SCIN: variants seen among roughly 807,000 people sequenced by gnomAD.
The protein encoded by SCIN is adseverin.
Under a neutral mutation model 91.8 loss-of-function variants are expected in SCIN, and 91 were observed. That is an observed-to-expected ratio of 0.99 (90% CI 0.84 to 1.18). The LOEUF (loss-of-function observed/expected upper bound fraction) is 1.18. Among genes scored for constraint, SCIN ranks in the 50% most tolerant of loss-of-function variants. SCIN has a pLI of 0.00. For missense variants in SCIN, 1,087 were observed against 863.9 expected, an observed-to-expected ratio of 1.26 and a Z score of -3.24; for synonymous variants, 367 against 312.6, an observed-to-expected ratio of 1.17 and a Z score of -1.84.
rs1358251968 is a variant in SCIN at position 12,652,680 on chromosome 7, G to A, written c.2113G>A (p.Gly705Ser). The A allele has an allele frequency of 6.2e-7, 1 of 1,606,048 alleles. No individual in the cohort carries two copies. The highest frequency in any genetic ancestry group is 8.5e-7 in the Non-Finnish European group (1 of 1,177,492). Residue 705 changes from glycine (G) to serine (S), a missense_variant, in exon 16 of 16, where the codon GGC becomes AGC. Gly to Ser is a moderately conservative substitution (Grantham distance 56). Transcript: ENST00000297029. ...KQGHEPPTFT[G>S]WFLGWDSSKW ...GGGCCATGAGCCACCCACATTCACA[G>A]GCTGGTTCCTGGGCTGGGATTCCAG... is the stretch of plus-strand genomic sequence containing the variant.
intron 13 of SCIN, among the ~76,000 whole-genome samples, chr7:12,645,647 T>C (rs6949898): frequency 0.023 from 3,549 of 152,260 alleles, 142 homozygotes; most frequent in African/African-American, 0.082. Context: ...TCATCCCACC[T>C]TCCACCTTTC....
intron 11 of SCIN, among the ~76,000 whole-genome samples, chr7:12,642,501 A>G (rs1285449849): frequency 1.3e-5 from 2 of 151,712 alleles, no homozygotes; most frequent in Admixed American, 6.6e-5. Flanking sequence ...AAGAGCACAT[A>G]TCATTGAAAG....
chr7:12,606,839 G>T (rs1783089419), intron 4 of SCIN, among the ~76,000 whole-genome samples: 1 of 152,134 alleles, frequency 6.6e-6, no homozygotes, highest in Non-Finnish European at 1.5e-5. Context: ...TGGTTTTACT[G>T]GATTTTCATT....
At chr7:12,613,816 T>C (rs1171071789) in intron 4 of SCIN, among the ~76,000 whole-genome samples, 2 of 152,186 alleles carry the variant, frequency 1.3e-5, no homozygotes, top group African/African-American at 4.8e-5. Flanking sequence ...TTCATGTAAA[T>C]ATAGTATTCT....
chr7:12,616,304 G>T (rs1783298478), intron 4 of SCIN, among the ~76,000 whole-genome samples: 1 of 152,172 alleles, frequency 6.6e-6, no homozygotes, highest in African/African-American at 2.4e-5. Flanking sequence ...CTCATGAATA[G>T]TTTGACATTA....
intron 13 of SCIN, among the ~76,000 whole-genome samples, chr7:12,644,964 A>G (rs2115299078): frequency 6.8e-6 from 1 of 147,306 alleles, no homozygotes; most frequent in African/African-American, 2.5e-5. Context: ...GCAGTGAGCC[A>G]AGGTCGCGCC....
At position 12,582,822 on chromosome 7, in the gene SCIN, G is replaced by T. The variant is rs781084787; in HGVS notation, c.516+1601G>T. Among the ~76,000 whole-genome samples the T allele has an allele frequency of 3.3e-5, 5 of 152,124 alleles. 1 individual carries two copies. Among genetic ancestry groups the T allele is most frequent in the Admixed American group, 6.6e-5 (1 of 15,258 alleles). On this transcript the variant is annotated intron_variant, in intron 3 of 15. Transcript: ENST00000297029. ...TAAATGTCTACAGCCACACAGTTCC[G>T]AAAGCAATTGCAGCATTCAGTCTCT...
At chr7:12,639,546 A>G (rs1783816672) in intron 10 of SCIN, among the ~76,000 whole-genome samples, 1 of 152,122 alleles carries the variant, frequency 6.6e-6, no homozygotes, top group Non-Finnish European at 1.5e-5. Flanking sequence ...TGAAATTTGA[A>G]CTCTTTATGT....
Position 12,644,170 on chromosome 7 carries a change from C to T in SCIN, c.1614C>T (p.Asn538=), listed in dbSNP as rs371472039. The change falls in exon 12 of 16, where the codon AAC becomes AAT. Residue 538 remains asparagine (N), a synonymous_variant. Coordinates refer to ENST00000297029, the MANE Select transcript of SCIN (RefSeq NM_001112706.3). The part of the protein sequence containing the change: ...VDVDANSLNS[N]DVFVLKLPQN... The stretch of plus-strand genomic sequence containing the variant: ...TTGATGCAAATTCACTGAATTCTAA[C>T]GATGTTTTTGTCCTGAAACTGCCAC... The T allele has an allele frequency of 7.7e-4, 1,241 of 1,612,898 alleles. No homozygotes were observed. The highest frequency in any genetic ancestry group is 9.4e-4 in the Non-Finnish European group (1,103 of 1,179,348).
intron 4 of SCIN, among the ~76,000 whole-genome samples, chr7:12,606,150 A>G (rs1332772341): frequency 6.6e-6 from 1 of 152,222 alleles, no homozygotes; most frequent in Non-Finnish European, 1.5e-5. Context: ...AAATGTTTGC[A>G]CCAGTTGCTA....
Position 12,655,958 on chromosome 7 carries a change from C to G in SCIN, c.*3243C>G, listed in dbSNP as rs960177781. 6.6e-6 allele frequency: 1 copy of G among 152,124 alleles called. No individual in the cohort carries two copies. The highest frequency in any genetic ancestry group is 2.4e-5 in the African/African-American group (1 of 41,426). 9.4% of individuals were successfully genotyped at this position (152,124 alleles called of 1,614,324 possible). ...TTCTCTCTGATTCAAGAAATTCATA[C>G]TCAACTCAGTCAAACAGAGGTCCTG... On this transcript the variant is annotated 3_prime_UTR_variant, in exon 16 of 16. Transcript: ENST00000297029.
At position 12,629,185 on chromosome 7, in the gene SCIN, C is replaced by T; in HGVS notation, c.1282C>T (p.Leu428Phe). 6.2e-7 allele frequency: 1 copy of T among 1,612,904 alleles called. No homozygotes were observed. The highest frequency in any genetic ancestry group is 1.7e-5 in the Admixed American group (1 of 59,876). The change falls in exon 9 of 16, where the codon CTC (leucine) becomes TTC (phenylalanine). Residue 428 changes from leucine (L) to phenylalanine (F), a missense_variant. Physicochemically the swap from Leu to Phe is conservative, Grantham distance 22. Coordinates refer to ENST00000297029, the MANE Select transcript of SCIN (RefSeq NM_001112706.3). ...CTATGGTGGTGACTGCTACATCATA[C>T]TCTACACCTATCCCAGAGGACAGAT... Reference protein sequence around the residue: ...EFYGGDCYIILYTYPRGQIIY... With the variant: ...EFYGGDCYIIFYTYPRGQIIY...
intron 3 of SCIN, among the ~76,000 whole-genome samples, chr7:12,587,384 G>A (rs116988288): frequency 0.036 from 5,491 of 152,276 alleles, 152 homozygotes; most frequent in Non-Finnish European, 0.052. Flanking sequence ...TGTGAGTCTG[G>A]TTTGTACTCA....
chr7:12,652,842 A>T lies in SCIN; in HGVS notation c.*127A>T. ...ATTAAGGCTGGGCGCGGTGGCTCAC[A>T]CCTGTAATCCCAGCACTTTGAGAGG... is the stretch of plus-strand genomic sequence containing the variant. On this transcript the variant is annotated 3_prime_UTR_variant, in exon 16 of 16. Coordinates refer to ENST00000297029, the MANE Select transcript of SCIN (RefSeq NM_001112706.3). The T allele has an allele frequency of 8.8e-7, 1 of 1,135,012 alleles. No homozygotes were observed. The highest frequency in any genetic ancestry group is 1.5e-5 in the South Asian group (1 of 68,402). The allele number at this position is 1,135,012 out of a possible 1,614,324, so 70.3% of individuals were successfully genotyped here. A position where few individuals can be genotyped will look rare whatever the true frequency, so the allele number is the denominator to read the frequency against.
At chr7:12,587,002 G>A (rs1333023411) in intron 3 of SCIN, among the ~76,000 whole-genome samples, 1 of 152,032 alleles carries the variant, frequency 6.6e-6, no homozygotes, top group Non-Finnish European at 1.5e-5. Flanking sequence ...AATAAATTCT[G>A]TTCTACTGTT....
chr7:12,650,807 T>A (rs1330724475), intron 14 of SCIN, among the ~76,000 whole-genome samples: 2 of 152,116 alleles, frequency 1.3e-5, no homozygotes, highest in Non-Finnish European at 2.9e-5. Flanking sequence ...CAACATCTTA[T>A]AGGGAGGGCA....
At chr7:12,574,540 G>A (rs1782331345) in intron 1 of SCIN, among the ~76,000 whole-genome samples, 1 of 152,092 alleles carries the variant, frequency 6.6e-6, no homozygotes, top group African/African-American at 2.4e-5. Flanking sequence ...ACGAGTACAA[G>A]TAAAACTGAG....
At chr7:12,628,184 G>T (rs1386995955) in intron 8 of SCIN, among the ~76,000 whole-genome samples, 1 of 152,092 alleles carries the variant, frequency 6.6e-6, no homozygotes, top group Non-Finnish European at 1.5e-5. Context: ...CTGAAGATGA[G>T]GAGGCAGAAT....
At chr7:12,623,427 A>G (rs1225522795) in intron 5 of SCIN, among the ~76,000 whole-genome samples, 1 of 152,224 alleles carries the variant, frequency 6.6e-6, no homozygotes. Flanking sequence ...GATTAGGAGC[A>G]TGACTTTGCA....
Sources: allele counts gnomAD v4.1 joint callset (sites outside exome capture counted in the v4.1 genomes callset), GRCh38; gene constraint gnomAD v4.1.1; transcripts MANE v1.5; gene names NCBI Gene and HGNC (gene_info 2026-07-23, HGNC 2026-07-21).